BCL11A: variants seen among roughly 807,000 people sequenced by gnomAD.
The protein encoded by BCL11A is B cell CLL/lymphoma 11A.
BCL11A carries 2 observed loss-of-function variants against 55.9 expected under a neutral mutation model. The observed-to-expected ratio is 0.04, with a 90% confidence interval of 0.01 to 0.11. The LOEUF is 0.11. BCL11A is among the 10% of genes least tolerant of loss of function. BCL11A has a pLI of 1.00. For synonymous variants in BCL11A, 465 were observed against 473.4 expected (o/e 0.98, Z 0.23); for missense variants, 817 against 1,137.1 (o/e 0.72, Z 4.05).
Position 60,462,342 on chromosome 2 carries a change from C to A in BCL11A, c.570G>T (p.Gln190His). 2 of 1,614,082 alleles carry A rather than the reference C, an allele frequency of 1.2e-6. No individual in the cohort carries two copies. The highest frequency in any genetic ancestry group is 1.7e-6 in the Non-Finnish European group (2 of 1,179,988). The part of the protein sequence containing the change: ...TSAWFLLQHA[Q>H]NTHGLRIYLE... The stretch of plus-strand genomic sequence containing the variant: ...AGTAGATTCTTAATCCATGAGTGTT[C>A]TGTGCGTGTTGCAAGAGAAACCATG... Residue 190 changes from glutamine to histidine, a missense_variant, in exon 4 of 4, where the codon CAG becomes CAT. Physicochemically the swap from Gln to His is conservative, Grantham distance 24 (BLOSUM62 0). Around this residue, in one of 4 missense-constraint regions of BCL11A, gnomAD observed 363 missense variants for 486.6 expected, o/e 0.75. Coordinates refer to ENST00000642384, the MANE Select transcript of BCL11A (RefSeq NM_022893.4).
In BCL11A at chr2:60,460,377, G is replaced by A. The variant is rs761584158; in HGVS notation, c.*27C>T. 1.8e-5 allele frequency: 28 copies of A among 1,560,664 alleles called. No homozygotes were observed. Among genetic ancestry groups the A allele is most frequent in the Non-Finnish European group, 2.2e-5 (25 of 1,146,874 alleles). Reference sequence around the variant, plus strand: ...TGGTGAAAAAGGGGGTGTCAGGTGGGAGTGAGGGAGGGGTATTAATATACC... The same window carrying A: ...TGGTGAAAAAGGGGGTGTCAGGTGGAAGTGAGGGAGGGGTATTAATATACC... On this transcript the variant is annotated 3_prime_UTR_variant, in exon 4 of 4. Transcript: ENST00000642384.
In BCL11A at chr2:60,460,554, G is replaced by A; in HGVS notation, c.2358C>T (p.Thr786=). 6.2e-7 allele frequency: 1 copy of A among 1,614,116 alleles called. No homozygotes were observed. The highest frequency in any genetic ancestry group is 8.5e-7 in the Non-Finnish European group (1 of 1,180,026). The change falls in exon 4 of 4, where the codon ACC becomes ACT. Residue 786 remains threonine (T), a synonymous_variant. Coordinates refer to ENST00000642384, the MANE Select transcript of BCL11A (RefSeq NM_022893.4). ...CCTGGCCATGCGTTTTCATGTGCCT[G>A]GTGAGCTTGCTACTCTGGGCACAGG... ...NYACAQSSKL[T]RHMKTHGQVG...
intron 2 of BCL11A, among the ~76,000 whole-genome samples, chr2:60,473,040 T>C (rs1178620744): frequency 7.6e-6 from 1 of 131,046 alleles, no homozygotes; most frequent in South Asian, 2.2e-4. Flanking sequence ...TGTGCATGCA[T>C]ATGTGTTTGT....
chr2:60,538,719 GTCTC>G (rs542617506), intron 2 of BCL11A, among the ~76,000 whole-genome samples: 4,837 of 130,560 alleles, frequency 0.037, 119 homozygotes, highest in African/African-American at 0.062. Context: ...TAAACTGAAT[GTCTC>G]TCTCTCTCTC....
rs1670509594 is a variant in BCL11A at position 60,553,510 on chromosome 2, A to AAAAAAAGAG, written c.-241_-240insCTCTTTTTT. 5.4e-6 allele frequency: 1 copy of AAAAAAAGAG among 184,428 alleles called. No individual in the cohort carries two copies. 11.4% of individuals were successfully genotyped at this position (184,428 alleles called of 1,614,324 possible). A position where few individuals can be genotyped will look rare whatever the true frequency, so the allele number is the denominator to read the frequency against. ...AAAAAAAAAAAAAAAAAAAAAAAAA[A>AAAAAAAGAG]AGAGGGAGAGAGAGAGAAGAGAGAT... On this transcript the variant is annotated 5_prime_UTR_variant, in exon 1 of 4. Transcript: ENST00000642384.
chr2:60,491,464 G>A (rs45579333), intron 2 of BCL11A, among the ~76,000 whole-genome samples: 22 of 152,038 alleles, frequency 1.4e-4, no homozygotes, highest in Admixed American at 4.6e-4. Context: ...CCTGAGGTCA[G>A]GAGTTCAAGA....
intron 2 of BCL11A, chr2:60,541,904 A>G (rs1323121737): frequency 1.4e-6 from 1 of 710,828 alleles, no homozygotes; most frequent in South Asian, 1.5e-5. Context: ...GTACACAAAT[A>G]CATCCTCCAG....
At chr2:60,496,911 C>G (rs1029220947) in intron 2 of BCL11A, among the ~76,000 whole-genome samples, 6 of 152,234 alleles carry the variant, frequency 3.9e-5, no homozygotes, top group African/African-American at 1.4e-4. Context: ...AAGCAGGACC[C>G]ATTTCCCCAT....
chr2:60,520,474 A>G (rs1162500691), intron 2 of BCL11A, among the ~76,000 whole-genome samples: 3 of 152,270 alleles, frequency 2.0e-5, no homozygotes, highest in Non-Finnish European at 4.4e-5. Flanking sequence ...AGATTATAAA[A>G]GTAAAGAGCA....
At chr2:60,473,198 G>C (rs2104040771) in intron 2 of BCL11A, among the ~76,000 whole-genome samples, 1 of 151,400 alleles carries the variant, frequency 6.6e-6, no homozygotes, top group Non-Finnish European at 1.5e-5. Context: ...GTGTGTGAAT[G>C]TGTGTATATT....
rs977966987 is a variant in BCL11A, at chr2:60,482,794, G to A, written c.386-13961C>T. 1.6e-4 allele frequency among the ~76,000 whole-genome samples: 24 copies of A among 152,180 alleles called. 2 individuals are homozygous for A. The highest frequency in any genetic ancestry group is 1.4e-3 in the Admixed American group (21 of 15,284). On this transcript the variant is annotated intron_variant, in intron 2 of 3. Transcript: ENST00000642384. ...ACATTTAACTGGATTCAGTTCATGT[G>A]ATTATACAGTGCCTTGCTTTCTAGA...
intron 2 of BCL11A, chr2:60,495,846 T>G (rs1170550684): frequency 1.3e-5 from 2 of 152,314 alleles, no homozygotes; most frequent in African/African-American, 4.8e-5. Flanking sequence ...CTTGCCACCA[T>G]GGGAGCCTGG....
At chr2:60,552,199 G>T (rs1370097798) in intron 1 of BCL11A, among the ~76,000 whole-genome samples, 2 of 151,894 alleles carry the variant, frequency 1.3e-5, no homozygotes, top group South Asian at 4.2e-4. Flanking sequence ...CAGAGCGTTT[G>T]GCTTCGGTTT....
chr2:60,504,941 C>T (rs1415598028), intron 2 of BCL11A, among the ~76,000 whole-genome samples: 1 of 152,170 alleles, frequency 6.6e-6, no homozygotes, highest in African/African-American at 2.4e-5. Flanking sequence ...AACTTCCCTA[C>T]CCTGTGTGCA....
At chr2:60,467,182 G>GAT (rs1676713498) in intron 3 of BCL11A, among the ~76,000 whole-genome samples, 1 of 143,864 alleles carries the variant, frequency 7.0e-6, no homozygotes, top group Non-Finnish European at 1.5e-5. Context: ...TGGTGGTGGT[G>GAT]GTGGTGATGG....
intron 2 of BCL11A, among the ~76,000 whole-genome samples, chr2:60,501,847 T>C (rs1679305203): frequency 6.6e-6 from 1 of 152,146 alleles, no homozygotes; most frequent in African/African-American, 2.4e-5. Flanking sequence ...TCATCTCACA[T>C]AAAAATTTAA....
chr2:60,462,047 G>A lies in BCL11A; in HGVS notation c.865C>T (p.Leu289=). The A allele has an allele frequency of 1.9e-6, 3 of 1,605,774 alleles. No homozygotes were observed. The highest frequency in any genetic ancestry group is 2.6e-6 in the Non-Finnish European group (3 of 1,176,010). Residue 289 remains leucine, a synonymous_variant, in exon 4 of 4, where the codon CTG becomes TTG. Coordinates refer to ENST00000642384, the MANE Select transcript of BCL11A (RefSeq NM_022893.4). ...AAGGCACTCGGGTGATGGGTGGCCA[G>A]GGCCATCTCTTCCGCCCCCAGGCGC... ...IERLGAEEMA[L]ATHHPSAFDR...
At chr2:60,454,688 G>T (rs1369627258), downstream of BCL11A, among the ~76,000 whole-genome samples, 4 of 152,134 alleles carry the variant, frequency 2.6e-5, no homozygotes, top group Non-Finnish European at 5.9e-5. Flanking sequence ...GGGGCCTGAG[G>T]CTTCTCAACT....
chr2:60,507,259 G>A (rs1343961061), intron 2 of BCL11A, among the ~76,000 whole-genome samples: 2 of 796 alleles, frequency 2.5e-3, no homozygotes, highest in African/African-American at 0.015. Context: ...GAGGGGAGGG[G>A]AGGGGAGGGG....
Sources: allele counts gnomAD v4.1 joint callset (sites outside exome capture counted in the v4.1 genomes callset), GRCh38; gene constraint gnomAD v4.1.1; regional missense constraint gnomAD v4.1.1; transcripts MANE v1.5; gene names NCBI Gene and HGNC (gene_info 2026-07-23, HGNC 2026-07-21).